Variants in DYNC1I1 observed in about 807,000 individuals in gnomAD.
The protein encoded by DYNC1I1 is cytoplasmic dynein 1 intermediate chain 1.
DYNC1I1 carries 43 observed loss-of-function variants against 86.6 expected under a neutral mutation model. The ratio of observed to expected loss-of-function variants is 0.50; its 90% CI spans 0.39 to 0.64. The LOEUF (loss-of-function observed/expected upper bound fraction) is 0.64. Ranked by LOEUF, DYNC1I1 falls within the 30% of genes least tolerant of loss-of-function variation. The pLI is 0.00. For missense variants in DYNC1I1, 604 were observed against 788.8 expected, an observed-to-expected ratio of 0.77 and a Z score of 2.81; for synonymous variants, 262 against 283.7, an observed-to-expected ratio of 0.92 and a Z score of 0.77.
At chr7:95,967,785 C>T (rs935285610) in intron 6 of DYNC1I1, among the ~76,000 whole-genome samples, 1 of 152,190 alleles carries the variant, frequency 6.6e-6, no homozygotes, top group African/African-American at 2.4e-5. Context: ...TATTTTGTAA[C>T]AGGAAAAGAA....
At chr7:96,049,479 A>G (rs1019354320) in intron 14 of DYNC1I1, among the ~76,000 whole-genome samples, 44 of 152,218 alleles carry the variant, frequency 2.9e-4, no homozygotes, top group African/African-American at 1.1e-3. Flanking sequence ...GTCCCTTTTG[A>G]CAATAATGAT....
chr7:96,060,824 T>C (rs1789743114), intron 14 of DYNC1I1, among the ~76,000 whole-genome samples: 3 of 152,034 alleles, frequency 2.0e-5, no homozygotes, highest in Admixed American at 2.0e-4. Context: ...AAAAAAACCC[T>C]TGCTCTACAT....
intron 6 of DYNC1I1, among the ~76,000 whole-genome samples, chr7:95,973,355 T>G (rs1015503941): frequency 1.6e-4 from 24 of 152,322 alleles, no homozygotes; most frequent in African/African-American, 5.5e-4. Flanking sequence ...ACACTTACTT[T>G]ATGTCTTTAA....
chr7:96,026,537 A>G (rs572916997), intron 10 of DYNC1I1, among the ~76,000 whole-genome samples: 1 of 152,204 alleles, frequency 6.6e-6, no homozygotes, highest in East Asian at 1.9e-4. Context: ...ACAGAAAAAA[A>G]TTCCAAATAA....
chr7:95,950,056 CT>C (rs1792511406), intron 6 of DYNC1I1, among the ~76,000 whole-genome samples: 1 of 151,772 alleles, frequency 6.6e-6, no homozygotes, highest in Non-Finnish European at 1.5e-5. Flanking sequence ...GACGTATTCA[CT>C]TTGAATTCTT....
chr7:95,893,234 A>G (rs1278612425), intron 6 of DYNC1I1, among the ~76,000 whole-genome samples: 1 of 152,126 alleles, frequency 6.6e-6, no homozygotes, highest in Non-Finnish European at 1.5e-5. Context: ...AAATTCAACT[A>G]TTATGTGAAG....
chr7:95,906,584 A>G (rs1413296300), intron 6 of DYNC1I1, among the ~76,000 whole-genome samples: 3 of 151,434 alleles, frequency 2.0e-5, no homozygotes, highest in Non-Finnish European at 4.4e-5. Flanking sequence ...TTATTCCTAG[A>G]ATTAGCCTTA....
intron 10 of DYNC1I1, among the ~76,000 whole-genome samples, chr7:96,003,860 A>G (rs1651816243): frequency 1.3e-5 from 2 of 152,256 alleles, no homozygotes; most frequent in East Asian, 1.9e-4. Flanking sequence ...TTTTAAAAAT[A>G]TAGCTTTTTC....
At position 96,098,290 on chromosome 7, in the gene DYNC1I1, A is replaced by G. The variant is rs1047388805; in HGVS notation, c.*697A>G. On this transcript the variant is annotated 3_prime_UTR_variant, in exon 17 of 17. Coordinates refer to ENST00000447467, the MANE Select transcript of DYNC1I1 (RefSeq NM_001135556.2). ...GTGAACGAAATGAATTTTAATGCCT[A>G]TTATTTCTGGGTACTTTAACAATAT... The G allele has an allele frequency of 5.1e-6, 5 of 985,760 alleles. No individual in the cohort carries two copies. The African/African-American group carries it at 8.7e-5, about 17-fold the overall frequency. 61.1% of individuals were successfully genotyped at this position (985,760 alleles called of 1,614,324 possible).
chr7:95,916,682 C>T (rs1791476510), intron 6 of DYNC1I1, among the ~76,000 whole-genome samples: 1 of 152,146 alleles, frequency 6.6e-6, no homozygotes, highest in Non-Finnish European at 1.5e-5. Flanking sequence ...ACGCAGCCTT[C>T]CCTCGGACAT....
intron 11 of DYNC1I1, among the ~76,000 whole-genome samples, chr7:96,030,739 TG>T (rs1172023394): frequency 4.3e-4 from 66 of 152,186 alleles, no homozygotes; most frequent in African/African-American, 1.5e-3. Context: ...CATTTTCAGG[TG>T]AAAATTTGTT....
intron 5 of DYNC1I1, among the ~76,000 whole-genome samples, chr7:95,833,734 T>C (rs1788990876): frequency 6.9e-6 from 1 of 144,078 alleles, no homozygotes; most frequent in Non-Finnish European, 1.5e-5. Context: ...TTGAAGCAAT[T>C]GTGAATGGGA....
chr7:95,992,832 C>T (rs1793765129), intron 9 of DYNC1I1, among the ~76,000 whole-genome samples: 1 of 152,080 alleles, frequency 6.6e-6, no homozygotes, highest in Admixed American at 6.6e-5. Context: ...CAAGGCTGGT[C>T]TCAAACTCCT....
At chr7:95,966,638 C>G (rs1451474325) in intron 6 of DYNC1I1, among the ~76,000 whole-genome samples, 1 of 152,206 alleles carries the variant, frequency 6.6e-6, no homozygotes, top group African/African-American at 2.4e-5. Context: ...AGCATCTTCC[C>G]TTTCTAAAGC....
chr7:95,888,098 C>T (rs1381346828), intron 6 of DYNC1I1, among the ~76,000 whole-genome samples: 1 of 152,046 alleles, frequency 6.6e-6, no homozygotes, highest in Non-Finnish European at 1.5e-5. Flanking sequence ...AAAGACTAAT[C>T]GAGAATAACA....
intron 1 of DYNC1I1, among the ~76,000 whole-genome samples, chr7:95,789,764 T>G (rs1794244563): frequency 6.6e-6 from 1 of 152,184 alleles, no homozygotes; most frequent in Non-Finnish European, 1.5e-5. Context: ...TGAGAAAGGA[T>G]AAAGGTAGAG....
intron 14 of DYNC1I1, among the ~76,000 whole-genome samples, chr7:96,065,858 C>T (rs1418386357): frequency 2.0e-5 from 3 of 152,150 alleles, no homozygotes; most frequent in Non-Finnish European, 4.4e-5. Flanking sequence ...AGACCTTCCT[C>T]TATTTCTCTA....
intron 10 of DYNC1I1, among the ~76,000 whole-genome samples, chr7:96,017,595 A>G (rs1012679897): frequency 2.0e-5 from 3 of 152,172 alleles, no homozygotes; most frequent in Non-Finnish European, 4.4e-5. Context: ...GACAACTGTG[A>G]AAAAAGTATG....
At chr7:95,832,797 C>G (rs1291282369) in intron 5 of DYNC1I1, among the ~76,000 whole-genome samples, 2 of 152,094 alleles carry the variant, frequency 1.3e-5, no homozygotes, top group African/African-American at 4.8e-5. Flanking sequence ...ATGTCCTTTG[C>G]CCACTTTTTG....
Sources: allele counts gnomAD v4.1 joint callset (sites outside exome capture counted in the v4.1 genomes callset), GRCh38; gene constraint gnomAD v4.1.1; transcripts MANE v1.5; gene names NCBI Gene and HGNC (gene_info 2026-07-23, HGNC 2026-07-21).